Variants in SEMA3D observed in about 807,000 individuals in gnomAD.
SEMA3D encodes the protein semaphorin 3D.
SEMA3D carries 84 observed loss-of-function variants against 100.1 expected under a neutral mutation model. The ratio of observed to expected loss-of-function variants is 0.84; its 90% confidence interval spans 0.70 to 1.01. The LOEUF (loss-of-function observed/expected upper bound fraction) is 1.01, where lower values mean the gene tolerates loss of function less well. Among genes scored for constraint, SEMA3D ranks in the 50% least tolerant of loss-of-function variants. The pLI is 0.00. For synonymous variants in SEMA3D, 312 were observed against 320.7 expected (o/e 0.97, Z 0.29); for missense variants, 875 against 934.1 (o/e 0.94, Z 0.82).
At chr7:85,036,264 A>C (rs928802774) in intron 12 of SEMA3D, among the ~76,000 whole-genome samples, 5 of 152,078 alleles carry the variant, frequency 3.3e-5, no homozygotes, top group Non-Finnish European at 5.9e-5. Context: ...TTTGAACTGC[A>C]GTTGTTTTTT....
Position 85,020,335 on chromosome 7 carries a change from T to A in SEMA3D, c.1415-14A>T, listed in dbSNP as rs774184054. 6.3e-7 allele frequency: 1 copy of A among 1,587,560 alleles called. No homozygotes were observed. The highest frequency in any genetic ancestry group is 1.7e-5 in the Admixed American group (1 of 59,644). Reference sequence around the variant, plus strand: ...CAGTTCCAATGTCTGAAAAAATGCATAACCCATGATCCCATTGTTTCTATC... The same window carrying A: ...CAGTTCCAATGTCTGAAAAAATGCAAAACCCATGATCCCATTGTTTCTATC... On this transcript the variant is annotated splice_polypyrimidine_tract_variant and intron_variant, in intron 13 of 18. Transcript: ENST00000284136.
intron 4 of SEMA3D, among the ~76,000 whole-genome samples, chr7:85,094,198 C>T (rs1026627593): frequency 4.0e-5 from 6 of 151,872 alleles, no homozygotes; most frequent in Non-Finnish European, 8.8e-5. Context: ...AACAGTGAGA[C>T]TGGAAACAGG....
chr7:85,169,853 C>A (rs1291120208), intron 1 of SEMA3D, among the ~76,000 whole-genome samples: 1 of 151,548 alleles, frequency 6.6e-6, no homozygotes, highest in Non-Finnish European at 1.5e-5. Flanking sequence ...GTGGAACTAT[C>A]AGTTCTTAAG....
intron 8 of SEMA3D, among the ~76,000 whole-genome samples, chr7:85,057,353 T>G (rs564062132): frequency 1.5e-4 from 23 of 152,232 alleles, no homozygotes; most frequent in African/African-American, 5.1e-4. Flanking sequence ...GTATGGTTAT[T>G]GAGAAATGAA....
intron 1 of SEMA3D, among the ~76,000 whole-genome samples, chr7:85,174,770 G>T (rs187097386): frequency 1.3e-5 from 2 of 152,164 alleles, no homozygotes; most frequent in East Asian, 1.9e-4. Flanking sequence ...ATCGGTTGAC[G>T]GCTGGGAGAG....
chr7:85,032,937 GA>G (rs530522487), intron 12 of SEMA3D, among the ~76,000 whole-genome samples: 9 of 152,004 alleles, frequency 5.9e-5, no homozygotes, highest in African/African-American at 1.9e-4. Flanking sequence ...GGCTACGGTG[GA>G]AAGATTCTTT....
At chr7:85,095,633 G>A (rs1788526079) in intron 4 of SEMA3D, among the ~76,000 whole-genome samples, 1 of 152,162 alleles carries the variant, frequency 6.6e-6, no homozygotes, top group East Asian at 1.9e-4. Context: ...ATGTGCTACT[G>A]TGGAGTATCT....
chr7:85,084,306 T>G (rs1788156150), intron 4 of SEMA3D, among the ~76,000 whole-genome samples: 1 of 152,208 alleles, frequency 6.6e-6, no homozygotes, highest in Admixed American at 6.5e-5. Flanking sequence ...AAATTTACCA[T>G]TTTAACAATT....
intron 12 of SEMA3D, among the ~76,000 whole-genome samples, chr7:85,033,108 A>G (rs1415574811): frequency 6.6e-6 from 1 of 152,252 alleles, no homozygotes; most frequent in East Asian, 1.9e-4. Context: ...TGTTTTCCCA[A>G]GTTGTTAGAA....
At chr7:85,139,051 T>C (rs1789966374) in intron 2 of SEMA3D, among the ~76,000 whole-genome samples, 2 of 152,004 alleles carry the variant, frequency 1.3e-5, no homozygotes, top group Middle Eastern at 6.4e-3. Context: ...AAGGGTGGCA[T>C]TTATGAGAGG....
chr7:85,133,775 T>C (rs575060502), intron 2 of SEMA3D, among the ~76,000 whole-genome samples: 1 of 152,136 alleles, frequency 6.6e-6, no homozygotes, highest in South Asian at 2.1e-4. Flanking sequence ...GGATTATCAG[T>C]TCTTATCAAA....
intron 2 of SEMA3D, among the ~76,000 whole-genome samples, chr7:85,139,791 C>T (rs1372069395): frequency 6.6e-6 from 1 of 152,052 alleles, no homozygotes; most frequent in South Asian, 2.1e-4. Context: ...TTATGAAATA[C>T]TATTGTATTT....
In SEMA3D at chr7:85,022,515, G is replaced by C. The variant is rs147923999; in HGVS notation, c.1290C>G (p.Ser430=). 249 of 1,612,084 alleles carry C rather than the reference G, an allele frequency of 1.5e-4. No homozygotes were observed. In the African/African-American group the frequency reaches 2.9e-3, roughly 19 times the overall value. ...FIKRHSVMYK[S]VYPVAGGPTF... Reference sequence around the variant, plus strand: ...TTGGTCCTCCTGCAACTGGGTATACGGACTTATACATCACAGAGTGCCGCT... The same window carrying C: ...TTGGTCCTCCTGCAACTGGGTATACCGACTTATACATCACAGAGTGCCGCT... The change falls in exon 13 of 19, where the codon TCC becomes TCG. Residue 430 remains serine, a synonymous_variant. Coordinates refer to ENST00000284136, the MANE Select transcript of SEMA3D (RefSeq NM_001384900.1).
chr7:85,240,394 G>C, the SEMA3D span, among the ~76,000 whole-genome samples: 2 of 152,022 alleles, frequency 1.3e-5, no homozygotes, highest in African/African-American at 4.8e-5. Flanking sequence ...TATTGGATTT[G>C]ATTTGCTAAT....
At chr7:85,240,403 A>G in the SEMA3D span, among the ~76,000 whole-genome samples, 633 of 152,192 alleles carry the variant, frequency 4.2e-3, 7 homozygotes, top group African/African-American at 0.015. Context: ...TGATTTGCTA[A>G]TATTTTGTTG....
At chr7:85,092,005 A>G (rs1391472347) in intron 4 of SEMA3D, among the ~76,000 whole-genome samples, 1 of 152,098 alleles carries the variant, frequency 6.6e-6, no homozygotes, top group Non-Finnish European at 1.5e-5. Context: ...ATCTGCATAC[A>G]GAATAGACAA....
At chr7:85,132,846 G>A (rs67638535) in intron 2 of SEMA3D, among the ~76,000 whole-genome samples, 41,627 of 151,694 alleles carry the variant, frequency 0.27, 6,006 homozygotes, top group East Asian at 0.39. Flanking sequence ...CAATATAGAA[G>A]CATAATATGG....
At chr7:85,230,840 T>G in the SEMA3D span, among the ~76,000 whole-genome samples, 1 of 151,072 alleles carries the variant, frequency 6.6e-6, no homozygotes, top group African/African-American at 2.5e-5. Context: ...TCGAAGAACA[T>G]AATGGAGTAA....
chr7:85,065,420 A>T lies in SEMA3D; in HGVS notation c.718+4T>A, dbSNP rs1383643654. 6.2e-7 allele frequency: 1 copy of T among 1,611,988 alleles called. No homozygotes were observed. ...TCAAAAGTAAACAAAAAAAAATCAC[A>T]AACCATTGAGCCAGTAGTGCTCTGA... On this transcript the variant is annotated splice_donor_region_variant and intron_variant, in intron 8 of 18. Coordinates refer to ENST00000284136, the MANE Select transcript of SEMA3D (RefSeq NM_001384900.1).
Sources: allele counts gnomAD v4.1 joint callset (sites outside exome capture counted in the v4.1 genomes callset), GRCh38; gene constraint gnomAD v4.1.1; transcripts MANE v1.5; gene names NCBI Gene and HGNC (gene_info 2026-07-23, HGNC 2026-07-21).